TEX11: variants seen among roughly 807,000 people sequenced by gnomAD.
TEX11 encodes testis expressed 11.
Under a neutral mutation model 84.4 loss-of-function variants are expected in TEX11, and 7 were observed. That is an observed-to-expected ratio of 0.08 (90% confidence interval 0.05 to 0.16). The LOEUF is 0.16. Ranked by LOEUF, TEX11 falls within the 10% of genes least tolerant of loss-of-function variation. The pLI is 1.00. For missense variants in TEX11, 551 were observed against 660.5 expected, an observed-to-expected ratio of 0.83 and a Z score of 1.82; for synonymous variants, 264 against 222.8, an observed-to-expected ratio of 1.18 and a Z score of -1.64.
At chrX:70,568,125 C>T (rs184118108) in intron 25 of TEX11, among the ~76,000 whole-genome samples, 2 of 111,701 alleles carry the variant, frequency 1.8e-5, no homozygotes, top group Non-Finnish European at 3.8e-5. Context: ...ATAGTTAGCT[C>T]TTCTTGTTGA....
rs754285629 is a variant in TEX11, at chrX:70,593,983, CT to C, written c.2068-2161del. ...TTTTAAACAAATGGCTGAAAATTCC[CT>C]AATTTTGATGAAAAACAATAATCTA... On this transcript the variant is annotated intron_variant, in intron 24 of 29. Coordinates refer to ENST00000374333, the MANE Select transcript of TEX11 (RefSeq NM_031276.3). Among the ~76,000 whole-genome samples, 125 of 111,122 alleles carry C rather than the reference CT, an allele frequency of 1.1e-3. 1 individual carries two copies. Among genetic ancestry groups the C allele is most frequent in the African/African-American group, 3.8e-3 (118 of 30,650 alleles).
At chrX:70,893,753 C>G (rs757531899) in intron 2 of TEX11, among the ~76,000 whole-genome samples, 6 of 111,144 alleles carry the variant, frequency 5.4e-5, no homozygotes. Flanking sequence ...GATAGAGACA[C>G]AAAAAACCCT....
At position 70,678,826 on chromosome X, in the gene TEX11, C is replaced by T; in HGVS notation, c.1220G>A (p.Arg407Lys). Residue 407 changes from arginine (R) to lysine (K), a missense_variant, in exon 15 of 30, where the codon AGA (arginine) becomes AAA (lysine). Transcript: ENST00000374333. ...SMNWLHNILW[R>K]QAASSFEVQN... ...AACCTCAAAACTACTGGCAGCTTGT[C>T]TCCACAGAATGTTGTGTAACCAGTT... 1.7e-6 allele frequency: 2 copies of T among 1,206,327 alleles called. No individual in the cohort carries two copies. Among genetic ancestry groups the T allele is most frequent in the South Asian group, 3.6e-5 (2 of 55,805 alleles).
intron 4 of TEX11, among the ~76,000 whole-genome samples, chrX:70,871,399 C>T (rs2091628855): frequency 1.8e-5 from 2 of 111,955 alleles, no homozygotes; most frequent in African/African-American, 6.5e-5. Context: ...TCAAATGCAA[C>T]AGGTCTAAAA....
At chrX:70,708,142 T>C (rs2090393472) in intron 13 of TEX11, among the ~76,000 whole-genome samples, 1 of 110,399 alleles carries the variant, frequency 9.1e-6, no homozygotes, top group Admixed American at 9.7e-5. Flanking sequence ...GCAAAGGACA[T>C]GAACAGACGC....
intron 9 of TEX11, among the ~76,000 whole-genome samples, chrX:70,788,973 TAGAG>T (rs35956435): frequency 0.013 from 121 of 9,518 alleles, 1 homozygote; most frequent in Non-Finnish European, 0.015. Flanking sequence ...TATATATATA[TAGAG>T]AGAGAGAGAG....
intron 9 of TEX11, among the ~76,000 whole-genome samples, chrX:70,751,539 C>G (rs1327834587): frequency 9.4e-6 from 1 of 106,218 alleles, no homozygotes; most frequent in Non-Finnish European, 1.9e-5. Flanking sequence ...TGTTAAATGA[C>G]GAGTTACTGT....
chrX:70,529,256 C>T (rs763753838), intron 29 of TEX11, 69 bp from the exon 30 acceptor site: 38 of 808,077 alleles, frequency 4.7e-5, no homozygotes, highest in Non-Finnish European at 6.1e-5. Context: ...CCCAGACCCA[C>T]GGTGATGGCA....
At chrX:70,671,053 T>C (rs1271752683) in intron 15 of TEX11, among the ~76,000 whole-genome samples, 1 of 112,041 alleles carries the variant, frequency 8.9e-6, no homozygotes, top group Non-Finnish European at 1.9e-5. Context: ...TACATAACAT[T>C]TAATCAAGTA....
intron 7 of TEX11, among the ~76,000 whole-genome samples, chrX:70,845,910 C>T (rs1444576021): frequency 9.0e-6 from 1 of 111,340 alleles, no homozygotes; most frequent in African/African-American, 3.3e-5. Flanking sequence ...CATCACACTT[C>T]GATATGCAAC....
At chrX:70,704,306 T>C (rs904246810) in intron 13 of TEX11, among the ~76,000 whole-genome samples, 2 of 110,965 alleles carry the variant, frequency 1.8e-5, no homozygotes, top group Non-Finnish European at 3.8e-5. Flanking sequence ...AGTATTTCTT[T>C]ATAGCAGTGC....
chrX:70,516,780 A>G, the TEX11 span, among the ~76,000 whole-genome samples: 2 of 109,770 alleles, frequency 1.8e-5, no homozygotes, highest in Non-Finnish European at 3.8e-5. Flanking sequence ...ATTTGTTTGT[A>G]TCCTCTTTTA....
intron 7 of TEX11, among the ~76,000 whole-genome samples, chrX:70,841,242 T>A (rs2091441888): frequency 1.8e-5 from 2 of 110,148 alleles, no homozygotes; most frequent in South Asian, 7.8e-4. Context: ...AAAGCACTCC[T>A]CAGCAAATGT....
chrX:70,809,765 C>T (rs1358119238), intron 8 of TEX11, among the ~76,000 whole-genome samples: 3 of 110,799 alleles, frequency 2.7e-5, no homozygotes, highest in South Asian at 7.9e-4. Context: ...GGTGCGTTCT[C>T]GGCTCACTGC....
intron 25 of TEX11, among the ~76,000 whole-genome samples, chrX:70,568,335 T>C (rs374186889): frequency 7.2e-5 from 8 of 110,801 alleles, no homozygotes; most frequent in East Asian, 2.8e-4. Context: ...ATACAGCACA[T>C]TGATGGGTCT....
rs780843031 is a variant in TEX11, at chrX:70,694,508, C to T, written c.1005-11683G>A. On this transcript the variant is annotated intron_variant, in intron 13 of 29. Coordinates refer to ENST00000374333, the MANE Select transcript of TEX11 (RefSeq NM_031276.3). Reference sequence around the variant, plus strand: ...GTCATTATAAAAGTGCAAATTAAAGCCACAATGAGACATCATACCTATTTA... The same window carrying T: ...GTCATTATAAAAGTGCAAATTAAAGTCACAATGAGACATCATACCTATTTA... Among the ~76,000 whole-genome samples, 4 of 111,641 alleles carry T rather than the reference C, an allele frequency of 3.6e-5. No individual in the cohort carries two copies. The South Asian group carries it at 1.5e-3, about 42-fold the overall frequency.
intron 4 of TEX11, among the ~76,000 whole-genome samples, chrX:70,865,136 T>G (rs774288753): frequency 1.8e-5 from 2 of 111,416 alleles, no homozygotes; most frequent in South Asian, 7.5e-4. Flanking sequence ...ATCAGTGTGC[T>G]GTATTCAGGA....
chrX:70,742,763 C>G (rs942513079), intron 10 of TEX11, among the ~76,000 whole-genome samples: 1 of 110,254 alleles, frequency 9.1e-6, no homozygotes, highest in Non-Finnish European at 1.9e-5. Context: ...TACTATGTTG[C>G]CCAGATGGAA....
intron 8 of TEX11, among the ~76,000 whole-genome samples, chrX:70,820,355 A>T (rs764108266): frequency 1.8e-4 from 20 of 112,561 alleles, no homozygotes; most frequent in African/African-American, 6.1e-4. Context: ...GGATATCAAC[A>T]TGCAAAATAA....
Sources: allele counts gnomAD v4.1 joint callset (sites outside exome capture counted in the v4.1 genomes callset), GRCh38; gene constraint gnomAD v4.1.1; transcripts MANE v1.5; gene names NCBI Gene and HGNC (gene_info 2026-07-23, HGNC 2026-07-21).